The following NIM1K variants were observed in gnomAD, a reference collection of about 807,000 sequenced individuals.
NIM1K encodes serine/threonine-protein kinase NIM1.
A neutral mutation model predicts 37.1 loss-of-function variants in NIM1K; 35 were observed. The observed-to-expected ratio is 0.94, with a 90% confidence interval of 0.72 to 1.25. The LOEUF (loss-of-function observed/expected upper bound fraction) is 1.25. Ranked by LOEUF, NIM1K falls within the 50% of genes most tolerant of loss-of-function variation. The pLI, the probability that NIM1K is intolerant of heterozygous loss-of-function variation, is 0.00. For missense variants in NIM1K, 564 were observed against 548.0 expected (o/e 1.03, Z -0.29); for synonymous variants, 234 against 206.6 (o/e 1.13, Z -1.14).
chr5:43,269,307 T>TAAAA (rs1753218269), intron 2 of NIM1K, among the ~76,000 whole-genome samples: 1 of 11,470 alleles, frequency 8.7e-5, no homozygotes. Context: ...AGACTTCATC[T>TAAAA]CAAAAAAAAA....
chr5:43,207,425 G>C, intron 1 of NIM1K: 1 of 862,998 alleles, frequency 1.2e-6, no homozygotes, highest in Non-Finnish European at 2.0e-6. Flanking sequence ...TCTTAAAGGA[G>C]ACTGCTATCA....
chr5:43,263,342 G>T (rs1753066333), intron 2 of NIM1K, among the ~76,000 whole-genome samples: 1 of 152,110 alleles, frequency 6.6e-6, no homozygotes, highest in Admixed American at 6.6e-5. Flanking sequence ...TCTTGGGAGG[G>T]TGTATGTGTC....
intron 1 of NIM1K, among the ~76,000 whole-genome samples, chr5:43,220,196 T>G (rs1752360880): frequency 6.6e-6 from 1 of 152,240 alleles, no homozygotes; most frequent in South Asian, 2.1e-4. Flanking sequence ...TTTTATATCT[T>G]TAGCTCTTAC....
intron 1 of NIM1K, among the ~76,000 whole-genome samples, chr5:43,226,600 T>C (rs955518199): frequency 6.6e-6 from 1 of 152,168 alleles, no homozygotes; most frequent in Non-Finnish European, 1.5e-5. Context: ...GAGAGATTAC[T>C]CCCCAAAGGA....
Position 43,271,470 on chromosome 5 carries a change from T to C in NIM1K, c.293-5587T>C, listed in dbSNP as rs546499660. Among the ~76,000 whole-genome samples, 73 of 152,320 alleles carry C rather than the reference T, an allele frequency of 4.8e-4. 1 individual carries two copies. The highest frequency in any genetic ancestry group is 1.7e-3 in the African/African-American group (71 of 41,570). ...ATATTGAAAATGTGTAAATCAGTAG[T>C]ACATGGATACACTTTATAAATACGT... On this transcript the variant is annotated intron_variant, in intron 2 of 3. Coordinates refer to ENST00000326035, the MANE Select transcript of NIM1K (RefSeq NM_153361.4).
chr5:43,208,371 G>A (rs549215117), intron 1 of NIM1K, among the ~76,000 whole-genome samples: 126 of 152,262 alleles, frequency 8.3e-4, no homozygotes, highest in African/African-American at 3.0e-3. Flanking sequence ...TTGGGAGGCC[G>A]ACGCGGGCAG....
rs748574286 is a variant in NIM1K at position 43,280,283 on chromosome 5, A to G, written c.865A>G (p.Ser289Gly). 1.2e-6 allele frequency: 2 copies of G among 1,614,166 alleles called. No homozygotes were observed. Among genetic ancestry groups the G allele is most frequent in the East Asian group, 2.2e-5 (1 of 44,868 alleles). ...LKKSILEGTY[S>G]VPPHVSEPCH... ...AAAGAGCATCCTCGAGGGCACATAC[A>G]GTGTACCGCCGCACGTGTCAGAGCC... Residue 289 changes from serine to glycine, a missense_variant, in exon 4 of 4, where the codon AGT becomes GGT. Coordinates refer to ENST00000326035, the MANE Select transcript of NIM1K (RefSeq NM_153361.4).
At chr5:43,224,152 C>A (rs566554557) in intron 1 of NIM1K, among the ~76,000 whole-genome samples, 15 of 152,062 alleles carry the variant, frequency 9.9e-5, no homozygotes, top group Admixed American at 4.6e-4. Flanking sequence ...ATCCTCCCCC[C>A]TCTTGCCTCC....
intron 2 of NIM1K, among the ~76,000 whole-genome samples, chr5:43,267,439 G>C (rs149949304): frequency 6.6e-6 from 1 of 151,898 alleles, no homozygotes; most frequent in Non-Finnish European, 1.5e-5. Flanking sequence ...TAATATTTTT[G>C]TTTCAATTTC....
rs192241393 is a variant in NIM1K, at chr5:43,213,619, G to A, written c.-695+21208G>A. Among the ~76,000 whole-genome samples the A allele has an allele frequency of 5.2e-3, 787 of 152,228 alleles. 2 individuals are homozygous for A. The highest frequency in any genetic ancestry group is 0.018 in the African/African-American group (756 of 41,512). On this transcript the variant is annotated intron_variant, in intron 1 of 3. Coordinates refer to ENST00000326035, the MANE Select transcript of NIM1K (RefSeq NM_153361.4). ...AGTGATTCTCCTGCCTCAGCCTCCA[G>A]AGTAGCTGGGATTACAGGTGCCTGC...
chr5:43,250,231 G>T (rs1752848907), intron 2 of NIM1K, among the ~76,000 whole-genome samples: 1 of 150,652 alleles, frequency 6.6e-6, no homozygotes, highest in African/African-American at 2.4e-5. Flanking sequence ...ATTAAATATA[G>T]ATTTTTAAAA....
At chr5:43,235,823 C>A (rs992725976) in intron 1 of NIM1K, among the ~76,000 whole-genome samples, 1 of 151,706 alleles carries the variant, frequency 6.6e-6, no homozygotes, top group Non-Finnish European at 1.5e-5. Flanking sequence ...GACTACGGAC[C>A]TATGAACTAT....
intron 2 of NIM1K, among the ~76,000 whole-genome samples, chr5:43,266,023 C>G (rs1444555525): frequency 6.6e-6 from 1 of 152,240 alleles, no homozygotes; most frequent in African/African-American, 2.4e-5. Context: ...TGTGAGGCAT[C>G]AGTCGGCCCC....
At chr5:43,259,666 C>T (rs528428708) in intron 2 of NIM1K, among the ~76,000 whole-genome samples, 48 of 151,956 alleles carry the variant, frequency 3.2e-4, no homozygotes, top group Admixed American at 1.3e-4. Flanking sequence ...TTTGAGTTCC[C>T]TGTAAATTCT....
intron 2 of NIM1K, among the ~76,000 whole-genome samples, chr5:43,264,003 T>C (rs1322383576): frequency 6.6e-6 from 1 of 152,228 alleles, no homozygotes; most frequent in Non-Finnish European, 1.5e-5. Flanking sequence ...TTATAATTTC[T>C]GTTCTTTTAC....
intron 1 of NIM1K, among the ~76,000 whole-genome samples, chr5:43,205,837 C>T (rs184633797): frequency 1.7e-4 from 26 of 152,200 alleles, no homozygotes; most frequent in Non-Finnish European, 3.7e-4. Context: ...CTCAGCCTCC[C>T]GAGTAGCTGG....
At chr5:43,205,913 T>C (rs1426199772) in intron 1 of NIM1K, among the ~76,000 whole-genome samples, 4 of 152,042 alleles carry the variant, frequency 2.6e-5, no homozygotes, top group Non-Finnish European at 5.9e-5. Context: ...GGGGTTTTAC[T>C]GTGTTAGCCA....
chr5:43,266,963 T>C (rs1429978688), intron 2 of NIM1K, among the ~76,000 whole-genome samples: 2 of 152,244 alleles, frequency 1.3e-5, no homozygotes, highest in African/African-American at 2.4e-5. Context: ...ACTGGCTTCA[T>C]AGAATGAGTT....
chr5:43,259,131 C>A (rs1472841582), intron 2 of NIM1K, among the ~76,000 whole-genome samples: 3 of 152,152 alleles, frequency 2.0e-5, no homozygotes, highest in Non-Finnish European at 4.4e-5. Flanking sequence ...GGTATATACA[C>A]CACGTTTTCT....
Sources: allele counts gnomAD v4.1 joint callset (sites outside exome capture counted in the v4.1 genomes callset), GRCh38; gene constraint gnomAD v4.1.1; transcripts MANE v1.5; gene names NCBI Gene and HGNC (gene_info 2026-07-23, HGNC 2026-07-21).